The following CFDP1 variants were observed in gnomAD, a reference collection of about 807,000 sequenced individuals.
The protein encoded by CFDP1 is heterochromatin-stabilizing protein CFDP1.
CFDP1 carries 31 observed loss-of-function variants against 40.1 expected under a neutral mutation model. That is an observed-to-expected ratio of 0.77 (90% CI 0.58 to 1.04). The LOEUF (loss-of-function observed/expected upper bound fraction) is 1.04. CFDP1 is among the 50% of genes least tolerant of loss of function. The probability of loss-of-function intolerance (pLI) is 0.00; values close to 1 mark genes in which losing one functional copy is unlikely to be tolerated. For synonymous variants in CFDP1, 167 were observed against 120.0 expected (o/e 1.39, Z -2.56); for missense variants, 423 against 343.4 (o/e 1.23, Z -1.83).
chr16:75,380,920 G>C (rs1413773887), intron 5 of CFDP1, among the ~76,000 whole-genome samples: 1 of 152,088 alleles, frequency 6.6e-6, no homozygotes, highest in African/African-American at 2.4e-5. Flanking sequence ...GGATTTTTTT[G>C]AGAGTTAGCA....
chr16:75,425,937 G>A (rs2079337025), intron 1 of CFDP1, among the ~76,000 whole-genome samples: 1 of 148,916 alleles, frequency 6.7e-6, no homozygotes, highest in African/African-American at 2.5e-5. Flanking sequence ...TCGGGAAGCT[G>A]AGGCAGGAGA....
chr16:75,339,728 T>C (rs898798705), intron 5 of CFDP1, among the ~76,000 whole-genome samples: 4 of 152,202 alleles, frequency 2.6e-5, no homozygotes, highest in African/African-American at 9.7e-5. Context: ...TGCCAGGACA[T>C]ATATCTAACA....
intron 5 of CFDP1, among the ~76,000 whole-genome samples, chr16:75,390,282 C>T (rs1328475797): frequency 1.3e-5 from 2 of 152,238 alleles, no homozygotes; most frequent in Non-Finnish European, 2.9e-5. Context: ...TTAAACCAAA[C>T]TTTAGTCAGA....
intron 5 of CFDP1, among the ~76,000 whole-genome samples, chr16:75,309,317 G>C (rs1436653715): frequency 6.6e-6 from 1 of 152,194 alleles, no homozygotes; most frequent in Non-Finnish European, 1.5e-5. Context: ...CTTTCAGGAA[G>C]CCGAGGCGGG....
At chr16:75,358,283 T>C (rs922781121) in intron 5 of CFDP1, among the ~76,000 whole-genome samples, 21 of 152,160 alleles carry the variant, frequency 1.4e-4, no homozygotes, top group Admixed American at 7.2e-4. Context: ...AAACACAGTA[T>C]CTGTGAAGCA....
intron 5 of CFDP1, among the ~76,000 whole-genome samples, chr16:75,306,950 T>A (rs932891149): frequency 1.4e-4 from 21 of 152,022 alleles, no homozygotes; most frequent in African/African-American, 4.8e-4. Context: ...GAACGGAGCA[T>A]GAGTGGGGAT....
intron 4 of CFDP1, among the ~76,000 whole-genome samples, chr16:75,399,176 T>A (rs4887823): frequency 0.52 from 78,705 of 151,914 alleles, 21,462 homozygotes; most frequent in Admixed American, 0.64. Context: ...CAGCCACCCC[T>A]GGAACCAAGA....
chr16:75,432,019 C>T (rs1375806771), intron 1 of CFDP1, among the ~76,000 whole-genome samples: 1 of 149,720 alleles, frequency 6.7e-6, no homozygotes, highest in East Asian at 2.0e-4. Context: ...TCAAGCGATT[C>T]TCCTGCTCCA....
intron 4 of CFDP1, among the ~76,000 whole-genome samples, chr16:75,407,694 A>G (rs1333022860): frequency 6.6e-6 from 1 of 151,632 alleles, no homozygotes; most frequent in Non-Finnish European, 1.5e-5. Context: ...ATTCATGTAT[A>G]GGAAATTTGG....
intron 5 of CFDP1, among the ~76,000 whole-genome samples, chr16:75,384,447 G>A (rs117041486): frequency 0.012 from 1,801 of 152,284 alleles, 22 homozygotes; most frequent in Non-Finnish European, 0.014. Context: ...AATGATCGTG[G>A]AGAAATGCAG....
chr16:75,384,326 A>G (rs184391262), intron 5 of CFDP1, among the ~76,000 whole-genome samples: 12 of 152,266 alleles, frequency 7.9e-5, no homozygotes, highest in South Asian at 2.1e-4. Context: ...GCACCACTGC[A>G]CTCTAGCCTG....
intron 5 of CFDP1, among the ~76,000 whole-genome samples, chr16:75,328,116 C>T (rs1255234070): frequency 2.0e-5 from 3 of 149,812 alleles, no homozygotes; most frequent in African/African-American, 7.4e-5. Flanking sequence ...AGTGTTAAAT[C>T]CTCTTCTAAA....
chr16:75,370,506 T>C (rs1043027896), intron 5 of CFDP1, among the ~76,000 whole-genome samples: 2 of 152,170 alleles, frequency 1.3e-5, no homozygotes, highest in Non-Finnish European at 2.9e-5. Flanking sequence ...TGTATACATA[T>C]GTAACAAACC....
chr16:75,343,134 A>G (rs769980864), intron 5 of CFDP1, among the ~76,000 whole-genome samples: 11 of 152,172 alleles, frequency 7.2e-5, no homozygotes, highest in Non-Finnish European at 1.5e-4. Flanking sequence ...CTTGGGGAAG[A>G]CAGAGACTTG....
chr16:75,364,232 T>C (rs963363934), intron 5 of CFDP1, among the ~76,000 whole-genome samples: 1 of 152,174 alleles, frequency 6.6e-6, no homozygotes, highest in Non-Finnish European at 1.5e-5. Context: ...TTTAAAAAAA[T>C]GGTATTAATG....
At position 75,399,999 on chromosome 16, in the gene CFDP1, G is replaced by C. The variant is rs566496300; in HGVS notation, c.531-4790C>G. On this transcript the variant is annotated intron_variant, in intron 4 of 6. Coordinates refer to ENST00000283882, the MANE Select transcript of CFDP1 (RefSeq NM_006324.3). ...GCCTGTAATCCCAGCTGCTTGGGAG[G>C]CTGAGGCAGCAGAATCGCTTGAACC... Among the ~76,000 whole-genome samples, 30 of 151,426 alleles carry C rather than the reference G, an allele frequency of 2.0e-4. 1 individual carries two copies. In the South Asian group the frequency reaches 6.3e-3, roughly 32 times the overall value.
At chr16:75,327,873 G>A (rs558074242) in intron 5 of CFDP1, among the ~76,000 whole-genome samples, 4 of 152,128 alleles carry the variant, frequency 2.6e-5, no homozygotes, top group South Asian at 2.1e-4. Flanking sequence ...ACAGGTACCC[G>A]CCACCACACC....
intron 5 of CFDP1, among the ~76,000 whole-genome samples, chr16:75,377,491 A>G (rs1187457814): frequency 6.6e-6 from 1 of 152,232 alleles, no homozygotes; most frequent in Non-Finnish European, 1.5e-5. Context: ...TCTTTCTTGA[A>G]TATTTCCAAT....
intron 1 of CFDP1, among the ~76,000 whole-genome samples, chr16:75,416,603 T>C (rs2079208769): frequency 6.6e-6 from 1 of 151,260 alleles, no homozygotes; most frequent in Non-Finnish European, 1.5e-5. Flanking sequence ...TACAAAAAAA[T>C]ACAAAAATTA....
Sources: allele counts gnomAD v4.1 joint callset (sites outside exome capture counted in the v4.1 genomes callset), GRCh38; gene constraint gnomAD v4.1.1; transcripts MANE v1.5; gene names NCBI Gene and HGNC (gene_info 2026-07-23, HGNC 2026-07-21).